The following SOX5 variants were observed in gnomAD, a reference collection of about 807,000 sequenced individuals.
The protein encoded by SOX5 is transcription factor SOX-5.
SOX5 carries 9 observed loss-of-function variants against 92.0 expected under a neutral mutation model. The observed-to-expected ratio is 0.10, with a 90% CI of 0.06 to 0.17. The LOEUF (loss-of-function observed/expected upper bound fraction) is 0.17, where lower values mean the gene tolerates loss of function less well. SOX5 is among the 10% of genes least tolerant of loss of function. The pLI is 1.00. For missense variants in SOX5, 642 were observed against 944.5 expected, an observed-to-expected ratio of 0.68 and a Z score of 4.20; for synonymous variants, 344 against 336.3, an observed-to-expected ratio of 1.02 and a Z score of -0.25.
intron 4 of SOX5, among the ~76,000 whole-genome samples, chr12:24,146,574 TA>T (rs1951106573): frequency 6.6e-6 from 1 of 151,630 alleles, no homozygotes; most frequent in South Asian, 2.1e-4. Context: ...TGTAAGAAAT[TA>T]AAGAGAGCAA....
At chr12:24,219,707 T>C (rs1325098006) in intron 3 of SOX5, among the ~76,000 whole-genome samples, 1 of 152,150 alleles carries the variant, frequency 6.6e-6, no homozygotes, top group African/African-American at 2.4e-5. Flanking sequence ...CAAGTGTATT[T>C]TCTGCCACTG....
chr12:24,427,198 C>T (rs144122588), intron 1 of SOX5, among the ~76,000 whole-genome samples: 2 of 152,252 alleles, frequency 1.3e-5, no homozygotes, highest in African/African-American at 2.4e-5. Flanking sequence ...GCAATGATCA[C>T]ATTCTATCTG....
chr12:24,014,651 G>A (rs1953365705), intron 4 of SOX5, among the ~76,000 whole-genome samples: 4 of 152,112 alleles, frequency 2.6e-5, no homozygotes, highest in Admixed American at 2.6e-4. Context: ...CTTAAACATT[G>A]TGTGTTACAA....
rs916854235 is a variant in SOX5, at chr12:24,506,628, G to C, written c.-251+55701C>G. On this transcript the variant is annotated intron_variant, in intron 1 of 4. Coordinates refer to the SOX5 transcript ENST00000446891. Reference sequence around the variant, plus strand: ...TGCAAGGGGAGAGTGGCTATAGTTTGGCTCTGCAGGATTAACAATGGCATC... The same window carrying C: ...TGCAAGGGGAGAGTGGCTATAGTTTCGCTCTGCAGGATTAACAATGGCATC... 1.2e-4 allele frequency among the ~76,000 whole-genome samples: 18 copies of C among 151,976 alleles called. 1 individual carries two copies. Among genetic ancestry groups the C allele is most frequent in the Non-Finnish European group, 2.6e-4 (18 of 68,000 alleles).
chr12:24,359,312 T>C lies in SOX5; in HGVS notation c.-174+9251A>G, dbSNP rs79484803. Among the ~76,000 whole-genome samples the C allele has an allele frequency of 9.1e-4, 139 of 152,322 alleles. 3 individuals are homozygous for C. The East Asian group carries it at 0.024, about 27-fold the overall frequency. Reference sequence around the variant, plus strand: ...TTTTGATTATGGTGCAGAGGATTACTCATGAAGTTAAGGCTGGGTGAGGGC... The same window carrying C: ...TTTTGATTATGGTGCAGAGGATTACCCATGAAGTTAAGGCTGGGTGAGGGC... On this transcript the variant is annotated intron_variant, in intron 2 of 4. Coordinates refer to the SOX5 transcript ENST00000446891.
intron 4 of SOX5, among the ~76,000 whole-genome samples, chr12:24,112,082 T>C (rs1947415802): frequency 6.6e-6 from 1 of 152,216 alleles, no homozygotes; most frequent in Admixed American, 6.5e-5. Context: ...TTAATACCTC[T>C]AAAGTCATGT....
intron 4 of SOX5, among the ~76,000 whole-genome samples, chr12:24,051,412 T>G (rs1957555808): frequency 6.6e-6 from 1 of 152,034 alleles, no homozygotes; most frequent in Non-Finnish European, 1.5e-5. Flanking sequence ...ATATATCAAG[T>G]GCACTTAAAA....
chr12:23,701,718 T>C (rs1005343813), intron 6 of SOX5, among the ~76,000 whole-genome samples: 2 of 152,016 alleles, frequency 1.3e-5, no homozygotes, highest in Admixed American at 6.6e-5. Context: ...CCAGCAAGAA[T>C]AGATTTGTAG....
chr12:23,940,163 C>G (rs1426347918), intron 1 of SOX5, among the ~76,000 whole-genome samples: 1 of 151,226 alleles, frequency 6.6e-6, no homozygotes, highest in Non-Finnish European at 1.5e-5. Flanking sequence ...TATAATTTAT[C>G]TTTTACAATA....
intron 4 of SOX5, among the ~76,000 whole-genome samples, chr12:24,151,467 A>C (rs1323988098): frequency 1.3e-5 from 2 of 152,190 alleles, no homozygotes; most frequent in Non-Finnish European, 1.5e-5. Flanking sequence ...CCAAAATATC[A>C]ATTAACTATT....
intron 3 of SOX5, chr12:24,227,283 C>T (rs1011927594): frequency 6.6e-6 from 1 of 152,170 alleles, no homozygotes; most frequent in African/African-American, 2.4e-5. Flanking sequence ...ACTAAAGAGA[C>T]CAGAGCTTCC....
At chr12:23,676,186 T>C (rs2085656680) in intron 6 of SOX5, among the ~76,000 whole-genome samples, 1 of 152,070 alleles carries the variant, frequency 6.6e-6, no homozygotes, top group African/African-American at 2.4e-5. Flanking sequence ...AATTATATAC[T>C]GAAAATTTGC....
chr12:24,436,910 T>C (rs923032604), intron 1 of SOX5, among the ~76,000 whole-genome samples: 1 of 152,194 alleles, frequency 6.6e-6, no homozygotes, highest in African/African-American at 2.4e-5. Context: ...GGAGTAAATC[T>C]ACTCTGCCGG....
chr12:23,951,107 T>A (rs1191056537), upstream of SOX5: 2 of 495,732 alleles, frequency 4.0e-6, no homozygotes, highest in Admixed American at 6.4e-5. Flanking sequence ...AAAAAAAGCC[T>A]TCCATTGTTG....
chr12:24,319,307 T>G (rs1949994692), intron 2 of SOX5, among the ~76,000 whole-genome samples: 1 of 152,214 alleles, frequency 6.6e-6, no homozygotes, highest in South Asian at 2.1e-4. Context: ...TATCCATACA[T>G]CTGACAACTC....
Position 23,846,172 on chromosome 12 carries a change from T to A in SOX5, c.292A>T (p.Met98Leu), listed in dbSNP as rs761745300. 4.3e-6 allele frequency: 7 copies of A among 1,613,770 alleles called. No homozygotes were observed. The Admixed American group carries it at 1.2e-4, about 27-fold the overall frequency. ...GAGTTGTGTGGGGCAAATGAAGACA[T>A]AACTTTATTGCCATCAACTTCCTGA... ...NTMEVDGNKV[M>L]SSFAPHNSST... The change falls in exon 3 of 15, where the codon ATG (methionine) becomes TTG (leucine). Residue 98 changes from methionine (M) to leucine (L), a missense_variant. Physicochemically the swap from Met to Leu is conservative, Grantham distance 15. This residue lies in a region of SOX5 where 113 missense variants were observed against 117.7 expected (regional missense o/e 0.96). Transcript: ENST00000451604.
intron 1 of SOX5, among the ~76,000 whole-genome samples, chr12:24,477,786 C>T (rs1945557335): frequency 6.6e-6 from 1 of 151,774 alleles, no homozygotes; most frequent in Admixed American, 6.6e-5. Context: ...ATTTATTTTT[C>T]TTATAATTTT....
At chr12:24,514,647 T>A (rs112709460) in intron 1 of SOX5, among the ~76,000 whole-genome samples, 9 of 152,174 alleles carry the variant, frequency 5.9e-5, no homozygotes, top group African/African-American at 2.2e-4. Flanking sequence ...AGACATGGAA[T>A]CAACCTAAAT....
chr12:24,069,530 AAG>A (rs1194771351), intron 4 of SOX5, among the ~76,000 whole-genome samples: 1 of 152,206 alleles, frequency 6.6e-6, no homozygotes, highest in Admixed American at 6.5e-5. Flanking sequence ...CAATATCGGA[AAG>A]AGTCTCCCAA....
Sources: gnomAD v4.1 joint callset for allele counts (sites outside exome capture counted in the v4.1 genomes callset) on GRCh38, gnomAD v4.1.1 for gene constraint, gnomAD v4.1.1 regional missense constraint, MANE v1.5 for transcripts, NCBI Gene and HGNC (gene_info 2026-07-23, HGNC 2026-07-21) for gene names.